Variants in PTCH1 observed in about 807,000 individuals in gnomAD.
PTCH1 encodes protein patched homolog 1.
A neutral mutation model predicts 144.6 loss-of-function variants in PTCH1; 14 were observed. The ratio of observed to expected loss-of-function variants is 0.10; its 90% CI spans 0.06 to 0.15. The LOEUF is 0.15. Among genes scored for constraint, PTCH1 ranks in the 10% least tolerant of loss-of-function variants. The pLI is 1.00. For synonymous variants in PTCH1, 833 were observed against 793.6 expected, an observed-to-expected ratio of 1.05 and a Z score of -0.83; for missense variants, 1,623 against 1,948.3, an observed-to-expected ratio of 0.83 and a Z score of 3.14.
upstream of PTCH1, among the ~76,000 whole-genome samples, chr9:95,513,345 G>T (rs187150705): frequency 6.6e-5 from 10 of 152,300 alleles, no homozygotes; most frequent in East Asian, 1.9e-3. Flanking sequence ...TGACCCTGGG[G>T]CCATTTATAA....
chr9:95,481,849 C>G (rs948328557), intron 5 of PTCH1, 100 bp downstream of exon 5: 1 of 1,128,150 alleles, frequency 8.9e-7, no homozygotes, highest in African/African-American at 1.5e-5. Flanking sequence ...GTTTTTATTT[C>G]TTGTTCAAAA....
intron 20 of PTCH1, chr9:95,453,113 C>T (rs141384236): frequency 4.4e-5 from 15 of 344,472 alleles, no homozygotes; most frequent in South Asian, 2.3e-4. Context: ...AAATAAGCAA[C>T]GAAGATCACC....
In PTCH1 at chr9:95,478,074, G is replaced by C. The variant is rs878853845; in HGVS notation, c.1328C>G (p.Ala443Gly). The change falls in exon 9 of 24, where the codon GCC (alanine) becomes GGC (glycine). Residue 443 changes from alanine (A) to glycine (G), a missense_variant. Ala to Gly is a moderately conservative substitution (Grantham distance 60). Around this residue, in one of 7 missense-constraint regions of PTCH1, gnomAD observed 230 missense variants for 271.0 expected, o/e 0.85. Transcript: ENST00000331920. Reference sequence around the variant, plus strand: ...CGTTACCATGAGTAAGTAGCCGCTGGCCACGCGGATGACACTGACGTCAGA... The same window carrying C: ...CGTTACCATGAGTAAGTAGCCGCTGCCCACGCGGATGACACTGACGTCAGA... ...SFSDVSVIRV[A>G]SGYLLMLAYA... 1 of 1,614,176 alleles carries C rather than the reference G, an allele frequency of 6.2e-7. No homozygotes were observed. The highest frequency in any genetic ancestry group is 1.7e-5 in the Admixed American group (1 of 60,026).
chr9:95,510,678 G>T (rs555992376), upstream of PTCH1, among the ~76,000 whole-genome samples: 58 of 151,894 alleles, frequency 3.8e-4, no homozygotes, highest in African/African-American at 1.3e-3. Context: ...GAAGTCTAGT[G>T]AAGTCGTGAA....
chr9:95,453,462 G>T lies in PTCH1; in HGVS notation c.3449+16C>A. ...AATGATTTCTAAAACATGTCTCCTT[G>T]CACACGCCTGCTTACCTGACAATGA... On this transcript the variant is annotated intron_variant, in intron 20 of 23. Coordinates refer to ENST00000331920, the MANE Select transcript of PTCH1 (RefSeq NM_000264.5). 1 of 1,613,708 alleles carries T rather than the reference G, an allele frequency of 6.2e-7. No homozygotes were observed. The highest frequency in any genetic ancestry group is 8.5e-7 in the Non-Finnish European group (1 of 1,179,996).
rs1838280281 is a variant in PTCH1 at position 95,449,663 on chromosome 9, A to G, written c.3549+178T>C. ...AGTTGATTTAGAGGAACCAAACCGA[A>G]CCCGCCCTCTAGCCCTCAAAGCCAG... On this transcript the variant is annotated intron_variant, in intron 21 of 23. Transcript: ENST00000331920. The surrounding 1 kb of genome is among the most constrained non-coding windows in gnomAD (Gnocchi z 5.3). 1 of 722,432 alleles carries G rather than the reference A, an allele frequency of 1.4e-6. No homozygotes were observed. Among genetic ancestry groups the G allele is most frequent in the Admixed American group, 2.3e-5 (1 of 42,582 alleles). The allele number at this position is 722,432 out of a possible 1,614,324, so 44.8% of individuals were successfully genotyped here. A position where few individuals can be genotyped will look rare whatever the true frequency, so the allele number is the denominator to read the frequency against.
intron 12 of PTCH1, among the ~76,000 whole-genome samples, chr9:95,471,357 T>C (rs893167194): frequency 3.9e-5 from 6 of 152,186 alleles, no homozygotes; most frequent in Admixed American, 6.5e-5. Flanking sequence ...AAAAACTACC[T>C]AACCTCTTTC....
chr9:95,446,922 C>T lies in PTCH1; in HGVS notation c.4334G>A (p.Ser1445Asn), dbSNP rs770268061. The T allele has an allele frequency of 1.7e-5, 28 of 1,613,918 alleles. No individual in the cohort carries two copies. The highest frequency in any genetic ancestry group is 6.7e-5 in the Admixed American group (4 of 60,010). Residue 1445 changes from serine (S) to asparagine (N), a missense_variant, in exon 23 of 24, where the codon AGC becomes AAC. Transcript: ENST00000331920. Reference protein sequence around the residue: ...VECEERPRGSSSN With the variant: ...VECEERPRGSNSN The stretch of plus-strand genomic sequence containing the variant: ...TCAGTGGCACTCACCTCAGTTGGAG[C>T]TGCTTCCCCGGGGCCTCTCCTCGCA...
chr9:95,467,218 A>C lies in PTCH1; in HGVS notation c.2458T>G (p.Tyr820Asp). The change falls in exon 15 of 24, where the codon TAC (tyrosine) becomes GAC (aspartate). Residue 820 changes from tyrosine (Y) to aspartate (D), a missense_variant. Around this residue, in one of 7 missense-constraint regions of PTCH1, gnomAD observed 504 missense variants for 679.3 expected, o/e 0.74. Transcript: ENST00000331920. ...ADYPNIQHLL[Y>D]DLHRSFSNVK... Reference sequence around the variant, plus strand: ...TTACTGAAACTCCTGTGTAGGTCGTAAAGTAAGTGCTGGATATTCGGGTAG... The same window carrying C: ...TTACTGAAACTCCTGTGTAGGTCGTCAAGTAAGTGCTGGATATTCGGGTAG... 1 of 1,613,614 alleles carries C rather than the reference A, an allele frequency of 6.2e-7. No individual in the cohort carries two copies. Among genetic ancestry groups the C allele is most frequent in the Non-Finnish European group, 8.5e-7 (1 of 1,179,884 alleles).
intron 2 of PTCH1, among the ~76,000 whole-genome samples, chr9:95,496,386 G>T (rs575221114): frequency 6.6e-6 from 1 of 152,082 alleles, no homozygotes; most frequent in Admixed American, 6.6e-5. Context: ...AACTGGTTTC[G>T]GTCCGCAACA....
chr9:95,481,893 G>A (rs1371301305), intron 5 of PTCH1, 56 bp downstream of exon 5: 2 of 1,419,620 alleles, frequency 1.4e-6, no homozygotes, highest in African/African-American at 2.8e-5. Flanking sequence ...AGCAACATTA[G>A]AAACACTGAG....
chr9:95,508,033 G>C, intron 1 of PTCH1, 128 bp downstream of exon 1: 1 of 1,508,490 alleles, frequency 6.6e-7, no homozygotes, highest in Non-Finnish European at 8.8e-7. Flanking sequence ...TCCTGGAGAG[G>C]TGTGAGTGAG....
rs1167132308 is a variant in PTCH1, at chr9:95,444,750, G to C, written c.*1643C>G. On this transcript the variant is annotated 3_prime_UTR_variant, in exon 24 of 24. Coordinates refer to ENST00000331920, the MANE Select transcript of PTCH1 (RefSeq NM_000264.5). Reference sequence around the variant, plus strand: ...ACCCCGCCCTTTCCTCTGACTTCTTGTCTGTAACAAGGTGCTGGTGTGGAT... The same window carrying C: ...ACCCCGCCCTTTCCTCTGACTTCTTCTCTGTAACAAGGTGCTGGTGTGGAT... The C allele has an allele frequency of 6.6e-6, 1 of 152,286 alleles. No individual in the cohort carries two copies. Among genetic ancestry groups the C allele is most frequent in the African/African-American group, 2.4e-5 (1 of 41,434 alleles). The allele number at this position is 152,286 out of a possible 1,614,324, so 9.4% of individuals were successfully genotyped here. A position where few individuals can be genotyped will look rare whatever the true frequency, so the allele number is the denominator to read the frequency against.
chr9:95,449,256 C>T lies in PTCH1; in HGVS notation c.3617G>A (p.Arg1206His), dbSNP rs560967532. ...CGTGTGGCCGGGCGGCATGGCGAAGCGGACCACGCTGGGGGGTGGCTCAGG... is the reference window on the plus strand; with the variant it reads ...CGTGTGGCCGGGCGGCATGGCGAAGTGGACCACGCTGGGGGGTGGCTCAGG... The part of the protein sequence containing the change: ...PSPEPPPSVV[R>H]FAMPPGHTHS... Residue 1206 changes from arginine to histidine, a missense_variant, in exon 22 of 24, where the codon CGC becomes CAC. Around this residue, in one of 7 missense-constraint regions of PTCH1, gnomAD observed 504 missense variants for 679.3 expected, o/e 0.74. Coordinates refer to ENST00000331920, the MANE Select transcript of PTCH1 (RefSeq NM_000264.5). This position sits in a 1 kb window ranked among gnomAD's most constrained non-coding sequence, Gnocchi z 5.3. 1.2e-4 allele frequency: 191 copies of T among 1,569,746 alleles called. No individual in the cohort carries two copies. Among genetic ancestry groups the T allele is most frequent in the Middle Eastern group, 5.0e-4 (3 of 6,014 alleles).
intron 2 of PTCH1, among the ~76,000 whole-genome samples, chr9:95,493,308 T>G (rs547765961): frequency 6.6e-6 from 1 of 152,316 alleles, no homozygotes; most frequent in South Asian, 2.1e-4. Context: ...CTTATTGTGA[T>G]CCACATAAAG....
rs1001623155 is a variant in PTCH1 at position 95,443,237 on chromosome 9, CCACT to C, written c.*3152_*3155del. ...CCATGTAACAGAGCTATGCTTATAC[CCACT>C]ATTTATACAAAACAAAAAGGAGGAA... On this transcript the variant is annotated 3_prime_UTR_variant, in exon 24 of 24. Coordinates refer to ENST00000331920, the MANE Select transcript of PTCH1 (RefSeq NM_000264.5). The C allele has an allele frequency of 3.3e-5, 5 of 152,068 alleles. No individual in the cohort carries two copies. The highest frequency in any genetic ancestry group is 1.2e-4 in the African/African-American group (5 of 41,414). The allele number at this position is 152,068 out of a possible 1,614,324, so 9.4% of individuals were successfully genotyped here.
rs376353501 is a variant in PTCH1 at position 95,481,971 on chromosome 9, G to C, written c.724C>G (p.Gln242Glu). The change falls in exon 5 of 24, where the codon CAG becomes GAG. Residue 242 changes from glutamine (Q) to glutamate (E), a missense_variant. Around this residue, in one of 7 missense-constraint regions of PTCH1, gnomAD observed 230 missense variants for 271.0 expected, o/e 0.85. Coordinates refer to ENST00000331920, the MANE Select transcript of PTCH1 (RefSeq NM_000264.5). The stretch of plus-strand genomic sequence containing the variant: ...TACAGGAGGTATGCTGTCCCAGACT[G>C]TAATTTCGCCCCTTCCCAGAAGCAG... ...LDCFWEGAKL[Q>E]SGTAYLLGKP... 7 of 1,613,118 alleles carry C rather than the reference G, an allele frequency of 4.3e-6. No individual in the cohort carries two copies. Among genetic ancestry groups the C allele is most frequent in the African/African-American group, 1.3e-5 (1 of 74,906 alleles).
Position 95,480,216 on chromosome 9 carries a change from T to C in PTCH1, c.946-126A>G, listed in dbSNP as rs548059985. Reference sequence around the variant, plus strand: ...CATTAATAGCAAGGCTAATGGGAGGTGTATGGCAAATCTTACAGCAAAATT... The same window carrying C: ...CATTAATAGCAAGGCTAATGGGAGGCGTATGGCAAATCTTACAGCAAAATT... On this transcript the variant is annotated intron_variant, in intron 6 of 23. Coordinates refer to ENST00000331920, the MANE Select transcript of PTCH1 (RefSeq NM_000264.5). The C allele has an allele frequency of 1.4e-4, 211 of 1,540,200 alleles. 2 individuals are homozygous for C. In the East Asian group the frequency reaches 4.3e-3, roughly 31 times the overall value.
rs2136560916 is a variant in PTCH1 at position 95,445,359 on chromosome 9, T to G, written c.*1034A>C. The G allele has an allele frequency of 6.6e-6, 1 of 152,220 alleles. No homozygotes were observed. The highest frequency in any genetic ancestry group is 3.4e-3 in the Middle Eastern group (1 of 294). The allele number at this position is 152,220 out of a possible 1,614,324, so 9.4% of individuals were successfully genotyped here. On this transcript the variant is annotated 3_prime_UTR_variant, in exon 24 of 24. Coordinates refer to ENST00000331920, the MANE Select transcript of PTCH1 (RefSeq NM_000264.5). ...AAGAGGGGCACCATGCTGCATGCTT[T>G]TTAGAGTATACAGACTCTCATGGCC...
Sources: gnomAD v4.1 joint callset for allele counts (sites outside exome capture counted in the v4.1 genomes callset) on GRCh38, gnomAD v4.1.1 for gene constraint, gnomAD v4.1.1 regional missense constraint, Gnocchi (gnomAD v3.1) non-coding constraint, MANE v1.5 for transcripts, NCBI Gene and HGNC (gene_info 2026-07-23, HGNC 2026-07-21) for gene names.